The following SNX19 variants were observed in gnomAD, a reference collection of about 807,000 sequenced individuals.
The protein encoded by SNX19 is sorting nexin 19.
In SNX19, 60 loss-of-function variants were observed where a neutral mutation model predicts 85.2. The observed-to-expected ratio is 0.70, with a 90% CI of 0.57 to 0.87. SNX19 has a LOEUF of 0.87. Among genes scored for constraint, SNX19 ranks in the 40% least tolerant of loss-of-function variants. The pLI, the probability that SNX19 is intolerant of heterozygous loss-of-function variation, is 0.00. For synonymous variants in SNX19, 520 were observed against 470.0 expected (o/e 1.11, Z -1.38); for missense variants, 1,201 against 1,217.8 (o/e 0.99, Z 0.21).
chr11:130,889,362 T>C (rs1944331807), intron 8 of SNX19, among the ~76,000 whole-genome samples: 1 of 152,116 alleles, frequency 6.6e-6, no homozygotes, highest in Non-Finnish European at 1.5e-5. Context: ...ACTCAAAGCA[T>C]TGGTTGAGCT....
Position 130,868,051 on chromosome 11 carries a change from G to T in SNX19, c.*10371C>A, listed in dbSNP as rs1412454111. The T allele has an allele frequency of 6.6e-6, 1 of 152,174 alleles. No individual in the cohort carries two copies. Among genetic ancestry groups the T allele is most frequent in the East Asian group, 1.9e-4 (1 of 5,196 alleles). The allele number at this position is 152,174 out of a possible 1,614,324, so 9.4% of individuals were successfully genotyped here. ...TTTTAAAAAATCTCTTCTCTGAAAT[G>T]GCTTCTCTGCCTTCATATTGCCTGA... On this transcript the variant is annotated 3_prime_UTR_variant, in exon 11 of 11. Coordinates refer to ENST00000265909, the MANE Select transcript of SNX19 (RefSeq NM_014758.3).
At position 130,909,254 on chromosome 11, in the gene SNX19, T is replaced by A. The variant is rs1044986301; in HGVS notation, c.2034+764A>T. Among the ~76,000 whole-genome samples, 3 of 149,942 alleles carry A rather than the reference T, an allele frequency of 2.0e-5. No homozygotes were observed. The South Asian group carries it at 6.2e-4, about 31-fold the overall frequency. ...GAACTCTGGGCATTTACCCAGTTGA[T>A]CCCTTTTTAGTTTGTAGTTTTTTCC... On this transcript the variant is annotated intron_variant, in intron 4 of 10. Coordinates refer to ENST00000265909, the MANE Select transcript of SNX19 (RefSeq NM_014758.3).
At chr11:130,881,973 G>A (rs1257285351) in intron 8 of SNX19, among the ~76,000 whole-genome samples, 1 of 152,138 alleles carries the variant, frequency 6.6e-6, no homozygotes, top group Non-Finnish European at 1.5e-5. Context: ...ACTGATAACT[G>A]TTCTTATTTC....
In SNX19 at chr11:130,867,565, G is replaced by A. The variant is rs1243623480; in HGVS notation, c.*10857C>T. 1 of 152,206 alleles carries A rather than the reference G, an allele frequency of 6.6e-6. No individual in the cohort carries two copies. Among genetic ancestry groups the A allele is most frequent in the Non-Finnish European group, 1.5e-5 (1 of 68,048 alleles). 9.4% of individuals were successfully genotyped at this position (152,206 alleles called of 1,614,324 possible). ...TGAAGGATAGGAAGTTTTTATCCTA[G>A]AAGCCTAGAGAAAGTGAAGTATATT... On this transcript the variant is annotated 3_prime_UTR_variant, in exon 11 of 11. Coordinates refer to ENST00000265909, the MANE Select transcript of SNX19 (RefSeq NM_014758.3).
At chr11:130,908,660 G>C (rs1945855833) in intron 4 of SNX19, among the ~76,000 whole-genome samples, 2 of 152,226 alleles carry the variant, frequency 1.3e-5, no homozygotes, top group South Asian at 4.1e-4. Context: ...GATCACTCAG[G>C]TCAAAACTAA....
chr11:130,902,646 G>T (rs896255801), intron 8 of SNX19, among the ~76,000 whole-genome samples: 1 of 152,206 alleles, frequency 6.6e-6, no homozygotes, highest in South Asian at 2.1e-4. Context: ...TCCATAGTTA[G>T]AAAGTCAGCA....
chr11:130,893,267 T>C (rs1434048975), intron 8 of SNX19, among the ~76,000 whole-genome samples: 1 of 152,090 alleles, frequency 6.6e-6, no homozygotes, highest in Admixed American at 6.5e-5. Flanking sequence ...GGATAACAGA[T>C]TTAGAGTGTG....
intron 10 of SNX19, 148 bp downstream of exon 10, chr11:130,879,476 G>T: frequency 4.6e-6 from 3 of 653,742 alleles, no homozygotes; most frequent in Non-Finnish European, 2.6e-6. Context: ...GGATCTGGAC[G>T]TCAAACTCTG....
chr11:130,893,461 G>A (rs1240907929), intron 8 of SNX19, among the ~76,000 whole-genome samples: 1 of 152,054 alleles, frequency 6.6e-6, no homozygotes, highest in Non-Finnish European at 1.5e-5. Context: ...CACTGAGAGG[G>A]GTGTAGAGGA....
intron 9 of SNX19, 116 bp downstream of exon 9, chr11:130,880,506 G>T: frequency 1.1e-6 from 1 of 917,648 alleles, no homozygotes; most frequent in Middle Eastern, 3.7e-4. Context: ...ACAGAGTTTT[G>T]AATCTAGCCA....
In SNX19 at chr11:130,878,440, C is replaced by G; in HGVS notation, c.2961G>C (p.Arg987Ser). 1 of 1,613,780 alleles carries G rather than the reference C, an allele frequency of 6.2e-7. No individual in the cohort carries two copies. The highest frequency in any genetic ancestry group is 8.5e-7 in the Non-Finnish European group (1 of 1,179,820). Residue 987 changes from arginine to serine, a missense_variant, in exon 11 of 11, where the codon AGG becomes AGC. By Grantham distance (110) the Arg-to-Ser change is moderately radical. This residue lies in a region of SNX19 where 285 missense variants were observed against 295.3 expected (regional missense o/e 0.97). Transcript: ENST00000265909. ...TAACCAGCTAAGAGGAGACACCCAT[C>G]CTCTTAGAGTTGCCTGGGGTATCTG... ...SASDTPGNSK[R>S]MGVSS
chr11:130,914,531 T>G lies in SNX19; in HGVS notation c.1409A>C (p.Glu470Ala), dbSNP rs753291681. 1.2e-6 allele frequency: 2 copies of G among 1,613,972 alleles called. No individual in the cohort carries two copies. Among genetic ancestry groups the G allele is most frequent in the South Asian group, 2.2e-5 (2 of 91,076 alleles). ...TGAGGGGCAGGTCTTTTCTGGCCCC[T>G]CCAGCAAAGCTGTAACAGAGGCGGT... ...DVTASVTALLEGPEKTCPSRP... is the reference protein window; with the variant it reads ...DVTASVTALLAGPEKTCPSRP... The change falls in exon 1 of 11, where the codon GAG becomes GCG. Residue 470 changes from glutamate to alanine, a missense_variant. Physicochemically the swap from Glu to Ala is moderately radical, Grantham distance 107. Coordinates refer to ENST00000265909, the MANE Select transcript of SNX19 (RefSeq NM_014758.3).
intron 8 of SNX19, among the ~76,000 whole-genome samples, chr11:130,901,077 G>C (rs1945228008): frequency 6.6e-6 from 1 of 152,172 alleles, no homozygotes; most frequent in Non-Finnish European, 1.5e-5. Flanking sequence ...ATTTTGGGCA[G>C]GATAATTCAC....
Position 130,878,538 on chromosome 11 carries a change from G to A in SNX19, c.2863C>T (p.Leu955Phe). 6.2e-7 allele frequency: 1 copy of A among 1,613,456 alleles called. No homozygotes were observed. Residue 955 changes from leucine (L) to phenylalanine (F), a missense_variant, in exon 11 of 11, where the codon CTT becomes TTT. Around this residue, in one of 3 missense-constraint regions of SNX19, gnomAD observed 285 missense variants for 295.3 expected, o/e 0.97. Coordinates refer to ENST00000265909, the MANE Select transcript of SNX19 (RefSeq NM_014758.3). ...PLINRHLIYC[L>F]GDIILEFLDL... is the part of the protein sequence containing the mutation. The stretch of plus-strand genomic sequence containing the variant: ...AAGAATTCCAGGATGATGTCCCCAA[G>A]GCAGTAAATCAAATGCCTGAAACGA...
chr11:130,915,077 G>A lies in SNX19; in HGVS notation c.863C>T (p.Pro288Leu). 1.2e-6 allele frequency: 2 copies of A among 1,613,956 alleles called. No individual in the cohort carries two copies. Among genetic ancestry groups the A allele is most frequent in the South Asian group, 1.1e-5 (1 of 91,060 alleles). Residue 288 changes from proline (P) to leucine (L), a missense_variant, in exon 1 of 11, where the codon CCG becomes CTG. This residue lies in a region of SNX19 where 791 missense variants were observed against 750.9 expected (regional missense o/e 1.05). Coordinates refer to ENST00000265909, the MANE Select transcript of SNX19 (RefSeq NM_014758.3). ...CTCAGCAATCAGTGGCAGAGATGTC[G>A]GCACTGAGGGCTGTTCGGGGGCACT... Reference protein sequence around the residue: ...PASAPEQPSVPTSLPLIAEVE... With the variant: ...PASAPEQPSVLTSLPLIAEVE...
At chr11:130,879,571 G>T in intron 10 of SNX19, 53 bp downstream of exon 10, 1 of 1,473,732 alleles carries the variant, frequency 6.8e-7, no homozygotes. Context: ...ATACCTCTGA[G>T]ACCAGAGGTG....
chr11:130,915,457 G>A lies in SNX19; in HGVS notation c.483C>T (p.Leu161=). ...SHAVAQSVLT[L]CGCHLQSYIQ... ...TGTAGCTCTGCAGGTGACAACCGCA[G>A]AGAGTCAGAACACTCTGGGCAACAG... Residue 161 remains leucine (L), a synonymous_variant, in exon 1 of 11, where the codon CTC becomes CTT. Coordinates refer to ENST00000265909, the MANE Select transcript of SNX19 (RefSeq NM_014758.3). 1 of 1,614,040 alleles carries A rather than the reference G, an allele frequency of 6.2e-7. No homozygotes were observed. The highest frequency in any genetic ancestry group is 8.5e-7 in the Non-Finnish European group (1 of 1,179,960).
chr11:130,894,256 GT>G (rs1944709254), intron 8 of SNX19, among the ~76,000 whole-genome samples: 2 of 152,182 alleles, frequency 1.3e-5, no homozygotes, highest in Non-Finnish European at 2.9e-5. Flanking sequence ...CACAGACTCT[GT>G]TCTGCTCACT....
At position 130,906,135 on chromosome 11, in the gene SNX19, TAAGA is replaced by T; in HGVS notation, c.2263-6_2263-3del. 6.2e-7 allele frequency: 1 copy of T among 1,613,180 alleles called. No homozygotes were observed. On this transcript the variant is annotated splice_region_variant and splice_polypyrimidine_tract_variant and intron_variant, in intron 6 of 10. Transcript: ENST00000265909. ...AGACATGGATAGAGTCTCAGACTCC[TAAGA>T]AATAGTCAGTGGCATATCACATATG...
Sources: allele counts gnomAD v4.1 joint callset (sites outside exome capture counted in the v4.1 genomes callset), GRCh38; gene constraint gnomAD v4.1.1; regional missense constraint gnomAD v4.1.1; transcripts MANE v1.5; gene names NCBI Gene and HGNC (gene_info 2026-07-23, HGNC 2026-07-21).